The following SLCO5A1 variants were observed in gnomAD, a reference collection of about 807,000 sequenced individuals.
SLCO5A1 encodes the protein solute carrier organic anion transporter family member 5A1, also known as organic anion transporter polypeptide-related protein 4.
In SLCO5A1, 39 loss-of-function variants were observed where a neutral mutation model predicts 65.1. The ratio of observed to expected loss-of-function variants is 0.60; its 90% CI spans 0.46 to 0.78. SLCO5A1 has a LOEUF of 0.78. SLCO5A1 is among the 30% of genes least tolerant of loss of function. SLCO5A1 has a pLI of 0.00. For synonymous variants in SLCO5A1, 438 were observed against 415.7 expected, an observed-to-expected ratio of 1.05 and a Z score of -0.65; for missense variants, 1,029 against 1,069.4, an observed-to-expected ratio of 0.96 and a Z score of 0.53.
At chr8:69,808,098 A>AG (rs57773183) in intron 2 of SLCO5A1, among the ~76,000 whole-genome samples, 90,529 of 151,208 alleles carry the variant, frequency 0.6, 28,378 homozygotes, top group African/African-American at 0.81. Context: ...ATGAACACTT[A>AG]GTTGTTTCCA....
At chr8:69,806,532 G>A (rs1014983759) in intron 2 of SLCO5A1, among the ~76,000 whole-genome samples, 1 of 152,160 alleles carries the variant, frequency 6.6e-6, no homozygotes, top group Non-Finnish European at 1.5e-5. Flanking sequence ...TGGAGTAGAA[G>A]TTATTATGCC....
rs970212453 is a variant in SLCO5A1, at chr8:69,667,845, T to A, written c.*5024A>T. On this transcript the variant is annotated 3_prime_UTR_variant, in exon 10 of 10. Coordinates refer to ENST00000260126, the MANE Select transcript of SLCO5A1 (RefSeq NM_030958.3). ...AAGCACTGAGTATTCCATAGAAAAG[T>A]ATCCCCCCTTTCACGCTTCATTTTT... 1 of 152,246 alleles carries A rather than the reference T, an allele frequency of 6.6e-6. No homozygotes were observed. The highest frequency in any genetic ancestry group is 2.4e-5 in the African/African-American group (1 of 41,468). 9.4% of individuals were successfully genotyped at this position (152,246 alleles called of 1,614,324 possible).
rs181624254 is a variant in SLCO5A1, at chr8:69,823,376, C to T, written c.907+8391G>A. ...ATCAGTGTGCTGTATTCAGGAGACCCATCTCACGTGCAGAGACAGACACAC... is the reference window on the plus strand; with the variant it reads ...ATCAGTGTGCTGTATTCAGGAGACCTATCTCACGTGCAGAGACAGACACAC... On this transcript the variant is annotated intron_variant, in intron 2 of 9. Transcript: ENST00000260126. Among the ~76,000 whole-genome samples, 357 of 152,234 alleles carry T rather than the reference C, an allele frequency of 2.3e-3. 2 individuals carry two copies. The highest frequency in any genetic ancestry group is 8.1e-3 in the African/African-American group (336 of 41,538).
chr8:69,726,014 G>A (rs1816053227), intron 5 of SLCO5A1, among the ~76,000 whole-genome samples: 1 of 152,192 alleles, frequency 6.6e-6, no homozygotes, highest in African/African-American at 2.4e-5. Context: ...GGAGAGCACC[G>A]AGGTGAATGT....
At chr8:69,784,923 AAAGAAAGAAAGAAAG>A (rs1563723129) in intron 2 of SLCO5A1, among the ~76,000 whole-genome samples, 2 of 146,958 alleles carry the variant, frequency 1.4e-5, no homozygotes, top group African/African-American at 5.3e-5. Context: ...AGAAAGAAAG[AAAGAAAGAAAGAAAG>A]AAAGAAAGAA....
At chr8:69,694,650 T>G (rs1363522019) in intron 6 of SLCO5A1, among the ~76,000 whole-genome samples, 1 of 152,234 alleles carries the variant, frequency 6.6e-6, no homozygotes, top group Non-Finnish European at 1.5e-5. Context: ...TATCTGCTAC[T>G]CTAAAAGTGG....
rs369867695 is a variant in SLCO5A1 at position 69,816,793 on chromosome 8, A to G, written c.907+14974T>C. Among the ~76,000 whole-genome samples the G allele has an allele frequency of 9.8e-5, 15 of 152,296 alleles. No homozygotes were observed. The East Asian group carries it at 2.9e-3, about 29-fold the overall frequency. ...CCAAAAGAAATGACTTGAAATTCCC[A>G]CACACCTGAGAAAACAATTCTCATA... On this transcript the variant is annotated intron_variant, in intron 2 of 9. Transcript: ENST00000260126.
At chr8:69,793,806 TAAATAAATA>T (rs1316445293) in intron 2 of SLCO5A1, among the ~76,000 whole-genome samples, 8 of 148,052 alleles carry the variant, frequency 5.4e-5, no homozygotes, top group African/African-American at 2.0e-4. Context: ...AATAAATAAA[TAAATAAATA>T]AAATAAAATT....
At position 69,672,656 on chromosome 8, in the gene SLCO5A1, G is replaced by A. The variant is rs982513998; in HGVS notation, c.*213C>T. Reference sequence around the variant, plus strand: ...GAAATGGGAACAAATCTAGCTGAACGTCTCCTTCTTGGAGAGAAGCGGGGA... The same window carrying A: ...GAAATGGGAACAAATCTAGCTGAACATCTCCTTCTTGGAGAGAAGCGGGGA... On this transcript the variant is annotated 3_prime_UTR_variant, in exon 10 of 10. Coordinates refer to ENST00000260126, the MANE Select transcript of SLCO5A1 (RefSeq NM_030958.3). The A allele has an allele frequency of 8.7e-6, 5 of 575,280 alleles. No individual in the cohort carries two copies. Among genetic ancestry groups the A allele is most frequent in the East Asian group, 2.9e-5 (1 of 34,912 alleles). 35.6% of individuals were successfully genotyped at this position (575,280 alleles called of 1,614,324 possible).
chr8:69,768,450 TGTATTG>T (rs1161310325), intron 2 of SLCO5A1, among the ~76,000 whole-genome samples: 3 of 152,164 alleles, frequency 2.0e-5, no homozygotes. Flanking sequence ...AGATTTAGAC[TGTATTG>T]GTCATCTCAG....
chr8:69,696,618 ACT>A (rs989494386), intron 6 of SLCO5A1, among the ~76,000 whole-genome samples: 1 of 152,194 alleles, frequency 6.6e-6, no homozygotes, highest in African/African-American at 2.4e-5. Flanking sequence ...GATGTTGAGA[ACT>A]CTGAATAAAA....
At chr8:69,710,393 A>C (rs772014849) in intron 5 of SLCO5A1, among the ~76,000 whole-genome samples, 20 of 152,156 alleles carry the variant, frequency 1.3e-4, no homozygotes, top group Non-Finnish European at 2.8e-4. Context: ...CAGCACAAAA[A>C]GGGAAGTTTG....
intron 4 of SLCO5A1, among the ~76,000 whole-genome samples, chr8:69,742,326 T>C (rs1816819552): frequency 6.6e-6 from 1 of 152,192 alleles, no homozygotes; most frequent in Admixed American, 6.5e-5. Context: ...GATCAGTTTC[T>C]TGGTGTCATT....
rs1168004657 is a variant in SLCO5A1, at chr8:69,682,077, C to T, written c.1782+107G>A. The T allele has an allele frequency of 2.5e-6, 3 of 1,192,334 alleles. No individual in the cohort carries two copies. The African/African-American group carries it at 4.8e-5, about 19-fold the overall frequency. 73.9% of individuals were successfully genotyped at this position (1,192,334 alleles called of 1,614,324 possible). A position where few individuals can be genotyped will look rare whatever the true frequency, so the allele number is the denominator to read the frequency against. ...GAGGTATTTTGTAGGTTACTTGGAGCCTCTTGAAAAGAAAGACTGAAGTCA... is the reference window on the plus strand; with the variant it reads ...GAGGTATTTTGTAGGTTACTTGGAGTCTCTTGAAAAGAAAGACTGAAGTCA... On this transcript the variant is annotated intron_variant, in intron 7 of 9. Transcript: ENST00000260126.
intron 4 of SLCO5A1, among the ~76,000 whole-genome samples, chr8:69,753,203 T>C (rs2130856926): frequency 6.6e-6 from 1 of 152,120 alleles, no homozygotes; most frequent in South Asian, 2.1e-4. Context: ...GTGGTCGAAG[T>C]GCACTGGAAG....
intron 2 of SLCO5A1, among the ~76,000 whole-genome samples, chr8:69,812,554 C>G (rs1186910539): frequency 1.3e-5 from 2 of 152,168 alleles, no homozygotes; most frequent in Admixed American, 1.3e-4. Context: ...AAGTGCCCCA[C>G]CAGAATCCAC....
rs1284945298 is a variant in SLCO5A1 at position 69,802,110 on chromosome 8, C to T, written c.907+29657G>A. On this transcript the variant is annotated intron_variant, in intron 2 of 9. Coordinates refer to ENST00000260126, the MANE Select transcript of SLCO5A1 (RefSeq NM_030958.3). The stretch of plus-strand genomic sequence containing the variant: ...ATTGTGGGAGTAAAATTTTCATGGT[C>T]ACGTAAATTTGAGAAAAAAATACCT... Among the ~76,000 whole-genome samples the T allele has an allele frequency of 2.0e-5, 3 of 152,038 alleles. No individual in the cohort carries two copies. In the East Asian group the frequency reaches 5.8e-4, roughly 29 times the overall value.
At chr8:69,763,296 CA>C (rs1253907850) in intron 2 of SLCO5A1, among the ~76,000 whole-genome samples, 1 of 148,978 alleles carries the variant, frequency 6.7e-6, no homozygotes, top group Non-Finnish European at 1.5e-5. Context: ...GCAACAAGAG[CA>C]AAAACTCCAT....
At chr8:69,776,730 G>A (rs1345424065) in intron 2 of SLCO5A1, among the ~76,000 whole-genome samples, 4 of 151,888 alleles carry the variant, frequency 2.6e-5, no homozygotes, top group African/African-American at 9.7e-5. Flanking sequence ...TATCTAGCAG[G>A]AAACAATTGT....
Sources: allele counts gnomAD v4.1 joint callset (sites outside exome capture counted in the v4.1 genomes callset), GRCh38; gene constraint gnomAD v4.1.1; transcripts MANE v1.5; gene names NCBI Gene and HGNC (gene_info 2026-07-23, HGNC 2026-07-21).